The following CIT variants were observed in gnomAD, a reference collection of about 807,000 sequenced individuals.
The protein encoded by CIT is citron Rho-interacting kinase.
In CIT, 79 loss-of-function variants were observed where a neutral mutation model predicts 272.7. That is an observed-to-expected ratio of 0.29 (90% CI 0.24 to 0.35). The LOEUF is 0.35. CIT is among the 10% of genes least tolerant of loss of function. The pLI, the probability that CIT is intolerant of heterozygous loss-of-function variation, is 1.00. For missense variants in CIT, 1,909 were observed against 2,618.3 expected (o/e 0.73, Z 5.91); for synonymous variants, 948 against 995.6 (o/e 0.95, Z 0.90).
rs143982288 is a variant in CIT, at chr12:119,710,555, C to T, written c.4920G>A (p.Leu1640=). The T allele has an allele frequency of 6.2e-6, 10 of 1,614,120 alleles. 1 individual carries two copies. In the African/African-American group the frequency reaches 9.3e-5, roughly 15 times the overall value. Residue 1640 remains leucine, a synonymous_variant, in exon 38 of 48, where the codon CTG becomes CTA. Coordinates refer to ENST00000392521, the MANE Select transcript of CIT (RefSeq NM_001206999.2). This position sits in a 1 kb window ranked among gnomAD's most constrained non-coding sequence, Gnocchi z 5.6. ...CAAGCATTACCTGGTCACTGAAGGGCAGCGTGCAGTTCATGTCTAGACGGT... is the reference window on the plus strand; with the variant it reads ...CAAGCATTACCTGGTCACTGAAGGGTAGCGTGCAGTTCATGTCTAGACGGT... ...GDDRLDMNCT[L]PFSDQVVLVG... is the part of the protein sequence containing the mutation.
intron 26 of CIT, among the ~76,000 whole-genome samples, chr12:119,730,929 A>C (rs1958401890): frequency 6.6e-6 from 1 of 152,120 alleles, no homozygotes; most frequent in Admixed American, 6.5e-5. Flanking sequence ...GGAGTTCAAG[A>C]CCAGCCTGGC....
chr12:119,709,748 C>G (rs1350735830), intron 39 of CIT, among the ~76,000 whole-genome samples: 1 of 144,424 alleles, frequency 6.9e-6, no homozygotes, highest in African/African-American at 2.8e-5. Flanking sequence ...AACTAACTCT[C>G]AAATGGTTCA....
chr12:119,776,314 T>A (rs759151011), intron 15 of CIT, 44 bp downstream of exon 15: 3 of 1,509,688 alleles, frequency 2.0e-6, no homozygotes, highest in African/African-American at 1.4e-5. Context: ...AAAAAAGTTA[T>A]CTACCCAAAA....
At chr12:119,741,177 T>C (rs552021913) in intron 24 of CIT, among the ~76,000 whole-genome samples, 40 of 152,180 alleles carry the variant, frequency 2.6e-4, no homozygotes, top group African/African-American at 9.4e-4. Flanking sequence ...GAACAAATTA[T>C]TGATAGGTAC....
rs771292782 is a variant in CIT at position 119,832,762 on chromosome 12, A to AT, written c.753+8dup. 83 of 1,607,714 alleles carry AT rather than the reference A, an allele frequency of 5.2e-5. 1 individual carries two copies. The East Asian group carries it at 1.4e-3, about 28-fold the overall frequency. ...AAACTCTATTAAGCTATCTTATTCC[A>AT]TTTTTTACCATCTTGTTTGAATTCA... is the stretch of plus-strand genomic sequence containing the variant. On this transcript the variant is annotated intron_variant, in intron 7 of 47. Transcript: ENST00000392521.
chr12:119,701,465 G>C (rs1056296435), intron 43 of CIT, among the ~76,000 whole-genome samples, 159 bp downstream of exon 43: 1 of 152,122 alleles, frequency 6.6e-6, no homozygotes, highest in Non-Finnish European at 1.5e-5. Flanking sequence ...TGATGGAGAG[G>C]AGCATCCCCA....
chr12:119,688,596 G>C (rs1018975421), intron 47 of CIT, among the ~76,000 whole-genome samples: 2 of 152,232 alleles, frequency 1.3e-5, no homozygotes, highest in Non-Finnish European at 2.9e-5. Context: ...GGCATCAGAA[G>C]GAGAATGCCA....
intron 2 of CIT, among the ~76,000 whole-genome samples, chr12:119,871,170 T>A (rs1482682354): frequency 6.7e-6 from 1 of 149,556 alleles, no homozygotes; most frequent in African/African-American, 2.5e-5. Context: ...AAAGACCTCA[T>A]GGAGAAGAGA....
At chr12:119,725,380 C>T (rs1464839335) in intron 28 of CIT, among the ~76,000 whole-genome samples, 1 of 151,722 alleles carries the variant, frequency 6.6e-6, no homozygotes, top group Non-Finnish European at 1.5e-5. Context: ...GAGCCAAGAT[C>T]ACGCCACTGC....
chr12:119,815,092 C>A (rs939514877), intron 9 of CIT, among the ~76,000 whole-genome samples: 64 of 85,340 alleles, frequency 7.5e-4, no homozygotes, highest in African/African-American at 3.1e-3. Flanking sequence ...ACATACCACA[C>A]ACACACACAC....
rs150863346 is a variant in CIT at position 119,857,684 on chromosome 12, C to T, written c.253G>A (p.Ala85Thr). The T allele has an allele frequency of 1.2e-6, 2 of 1,613,650 alleles. No individual in the cohort carries two copies. Among genetic ancestry groups the T allele is most frequent in the Non-Finnish European group, 1.7e-6 (2 of 1,179,930 alleles). Residue 85 changes from alanine (A) to threonine (T), a missense_variant, in exon 4 of 48, where the codon GCT becomes ACT. Ala to Thr is a moderately conservative substitution (Grantham distance 58). Transcript: ENST00000392521. ...GAAGGCTGGAGCTCCTGTAACTCAG[C>T]TATGGTGTCGGAATCTGCAAAAGAT... is the stretch of plus-strand genomic sequence containing the variant. Reference protein sequence around the residue: ...NFVRKYSDTIAELQELQPSAK... With the variant: ...NFVRKYSDTITELQELQPSAK...
intron 3 of CIT, among the ~76,000 whole-genome samples, chr12:119,861,992 GGTTT>G (rs112710769): frequency 0.045 from 6,849 of 151,950 alleles, 280 homozygotes; most frequent in African/African-American, 0.11. Context: ...TTGGTTAGTT[GGTTT>G]GTTTGTTTGT....
chr12:119,785,519 G>T (rs1324706959), intron 10 of CIT, among the ~76,000 whole-genome samples: 5 of 152,038 alleles, frequency 3.3e-5, no homozygotes, highest in Non-Finnish European at 7.4e-5. Context: ...CAGAGAGAGT[G>T]CAGCCTTGTC....
rs1393663559 is a variant in CIT at position 119,808,210 on chromosome 12, G to GA, written c.1112-4822dup. 7.3e-5 allele frequency among the ~76,000 whole-genome samples: 11 copies of GA among 150,994 alleles called. No homozygotes were observed. The South Asian group carries it at 1.9e-3, about 26-fold the overall frequency. The stretch of plus-strand genomic sequence containing the variant: ...AAAATTATCATCCTCAAAAATATTC[G>GA]AAAAAAAACAAGGAAAGAAGAACCA... On this transcript the variant is annotated intron_variant, in intron 9 of 47. Coordinates refer to ENST00000392521, the MANE Select transcript of CIT (RefSeq NM_001206999.2).
intron 9 of CIT, among the ~76,000 whole-genome samples, chr12:119,806,825 C>T (rs945763308): frequency 6.6e-6 from 1 of 152,052 alleles, no homozygotes; most frequent in African/African-American, 2.4e-5. Flanking sequence ...AGTAGAAATT[C>T]TTATCAAAGA....
At position 119,701,440 on chromosome 12, in the gene CIT, C is replaced by G. The variant is rs58026891; in HGVS notation, c.5542+184G>C. 0.048 allele frequency among the ~76,000 whole-genome samples: 7,295 copies of G among 152,140 alleles called. 587 individuals are homozygous for G. The highest frequency in any genetic ancestry group is 0.17 in the African/African-American group (6,941 of 41,458). On this transcript the variant is annotated intron_variant, in intron 43 of 47. Transcript: ENST00000392521. ...TGGAGAGAATGTGATAAAGTTAGAC[C>G]ACGCTAGTATCTGGTGATGGAGAGG... is the stretch of plus-strand genomic sequence containing the variant.
chr12:119,839,540 G>A (rs965566035), intron 5 of CIT, among the ~76,000 whole-genome samples: 1 of 152,084 alleles, frequency 6.6e-6, no homozygotes, highest in African/African-American at 2.4e-5. Context: ...GAGTGGCCCC[G>A]ATATTATTCT....
Position 119,784,071 on chromosome 12 carries a change from A to G in CIT, c.1402-20T>C. On this transcript the variant is annotated intron_variant, in intron 11 of 47. Coordinates refer to ENST00000392521, the MANE Select transcript of CIT (RefSeq NM_001206999.2). The surrounding 1 kb of genome is among the most constrained non-coding windows in gnomAD (Gnocchi z 4.7). ...CTCCATCTGAAATAAACACATCGACAGGTTAAAAAGGCCCGTGGAGGTTCA... is the reference window on the plus strand; with the variant it reads ...CTCCATCTGAAATAAACACATCGACGGGTTAAAAAGGCCCGTGGAGGTTCA... 1 of 1,613,128 alleles carries G rather than the reference A, an allele frequency of 6.2e-7. No individual in the cohort carries two copies. The highest frequency in any genetic ancestry group is 8.5e-7 in the Non-Finnish European group (1 of 1,179,418).
At position 119,710,148 on chromosome 12, in the gene CIT, C is replaced by T. The variant is rs191441598; in HGVS notation, c.5071+103G>A. 369 of 1,284,502 alleles carry T rather than the reference C, an allele frequency of 2.9e-4. No homozygotes were observed. Among genetic ancestry groups the T allele is most frequent in the East Asian group, 1.6e-3 (68 of 43,252 alleles). 79.6% of individuals were successfully genotyped at this position (1,284,502 alleles called of 1,614,324 possible). Reference sequence around the variant, plus strand: ...GGGGACACAGAGATAAGAGCTACAACGGCTCCTCTCTACTATTTTGTGTTT... The same window carrying T: ...GGGGACACAGAGATAAGAGCTACAATGGCTCCTCTCTACTATTTTGTGTTT... On this transcript the variant is annotated intron_variant, in intron 39 of 47. Coordinates refer to ENST00000392521, the MANE Select transcript of CIT (RefSeq NM_001206999.2). The surrounding 1 kb of genome is among the most constrained non-coding windows in gnomAD (Gnocchi z 5.6).
Sources: allele counts gnomAD v4.1 joint callset (sites outside exome capture counted in the v4.1 genomes callset), GRCh38; gene constraint gnomAD v4.1.1; non-coding constraint Gnocchi (gnomAD v3.1); transcripts MANE v1.5; gene names NCBI Gene and HGNC (gene_info 2026-07-23, HGNC 2026-07-21).